SUGCT: variants seen among roughly 807,000 people sequenced by gnomAD.
SUGCT encodes succinyl-CoA:glutarate CoA-transferase.
A neutral mutation model predicts 55.0 loss-of-function variants in SUGCT; 41 were observed. That is an observed-to-expected ratio of 0.74 (90% CI 0.58 to 0.97). The LOEUF is 0.97. Ranked by LOEUF, SUGCT falls within the 50% of genes least tolerant of loss-of-function variation. The pLI is 0.00. For missense variants in SUGCT, 568 were observed against 547.8 expected (o/e 1.04, Z -0.37); for synonymous variants, 187 against 200.4 (o/e 0.93, Z 0.56).
chr7:40,822,526 C>G (rs945734028), intron 13 of SUGCT, among the ~76,000 whole-genome samples: 1 of 152,138 alleles, frequency 6.6e-6, no homozygotes, highest in African/African-American at 2.4e-5. Context: ...TAATGGCCTT[C>G]TTTGTCCCTT....
At chr7:40,350,399 T>G (rs1461905242) in intron 9 of SUGCT, among the ~76,000 whole-genome samples, 1 of 151,534 alleles carries the variant, frequency 6.6e-6, no homozygotes, top group Non-Finnish European at 1.5e-5. Context: ...CTGCAGCCTC[T>G]GCCTCCCAGG....
At chr7:40,747,079 C>G (rs905539540) in intron 12 of SUGCT, among the ~76,000 whole-genome samples, 1 of 152,112 alleles carries the variant, frequency 6.6e-6, no homozygotes, top group Non-Finnish European at 1.5e-5. Context: ...GTGCTGAGAA[C>G]GAGCCACACC....
chr7:40,462,951 C>T (rs955428582), intron 11 of SUGCT, among the ~76,000 whole-genome samples: 8 of 152,094 alleles, frequency 5.3e-5, no homozygotes, highest in Admixed American at 1.3e-4. Flanking sequence ...GTACCTGTTA[C>T]TCATTTATTG....
chr7:40,721,841 C>A (rs761066388), intron 12 of SUGCT, among the ~76,000 whole-genome samples: 1 of 152,156 alleles, frequency 6.6e-6, no homozygotes, highest in Non-Finnish European at 1.5e-5. Flanking sequence ...GGGATGGTAG[C>A]TTTGAAACTT....
intron 7 of SUGCT, among the ~76,000 whole-genome samples, chr7:40,241,048 G>T (rs1310154474): frequency 6.6e-6 from 1 of 152,152 alleles, no homozygotes; most frequent in Non-Finnish European, 1.5e-5. Context: ...GGGAGGTAAG[G>T]AACAGTGGCT....
chr7:40,360,348 A>G (rs1033956093), intron 9 of SUGCT, among the ~76,000 whole-genome samples: 2 of 152,064 alleles, frequency 1.3e-5, no homozygotes, highest in East Asian at 1.9e-4. Context: ...TTTTTCTTCT[A>G]TTCTACCTTT....
chr7:40,333,145 T>C (rs963476661), intron 9 of SUGCT, among the ~76,000 whole-genome samples: 1 of 152,142 alleles, frequency 6.6e-6, no homozygotes, highest in African/African-American at 2.4e-5. Flanking sequence ...TAGAAACTAA[T>C]GGAAACTACT....
At chr7:40,786,701 C>T (rs1024775419) in intron 13 of SUGCT, among the ~76,000 whole-genome samples, 3 of 146,786 alleles carry the variant, frequency 2.0e-5, no homozygotes, top group Non-Finnish European at 4.5e-5. Flanking sequence ...ATTCAAAATA[C>T]CTTAACAATA....
intron 9 of SUGCT, among the ~76,000 whole-genome samples, chr7:40,407,811 C>T (rs1454502806): frequency 6.6e-6 from 1 of 152,098 alleles, no homozygotes; most frequent in Non-Finnish European, 1.5e-5. Context: ...ACTATCTTAG[C>T]TTAAAACAGG....
intron 12 of SUGCT, among the ~76,000 whole-genome samples, chr7:40,586,582 T>C (rs909721368): frequency 2.0e-5 from 3 of 151,730 alleles, no homozygotes; most frequent in South Asian, 2.1e-4. Context: ...TCTGAGGTGA[T>C]TGACAGTGTT....
the SUGCT span, among the ~76,000 whole-genome samples, chr7:40,867,280 C>G: frequency 6.7e-6 from 1 of 150,000 alleles, no homozygotes; most frequent in Non-Finnish European, 1.5e-5. Flanking sequence ...CTTATAAGAA[C>G]ATCTCATAAG....
intron 12 of SUGCT, among the ~76,000 whole-genome samples, chr7:40,507,252 C>G (rs947277304): frequency 6.6e-6 from 1 of 152,134 alleles, no homozygotes; most frequent in African/African-American, 2.4e-5. Flanking sequence ...AAATGTTCCT[C>G]GCCACCCACC....
At chr7:40,174,006 T>A (rs1784806211) in intron 1 of SUGCT, among the ~76,000 whole-genome samples, 1 of 151,008 alleles carries the variant, frequency 6.6e-6, no homozygotes, top group Non-Finnish European at 1.5e-5. Context: ...AGTGGTGTGA[T>A]CATGGCTCAC....
chr7:40,513,364 G>T (rs1282450422), intron 12 of SUGCT, among the ~76,000 whole-genome samples: 4 of 152,244 alleles, frequency 2.6e-5, no homozygotes, highest in African/African-American at 9.6e-5. Flanking sequence ...TTAGTATATG[G>T]ATATGTGTGG....
At chr7:40,603,262 G>A (rs1303826447) in intron 12 of SUGCT, among the ~76,000 whole-genome samples, 5 of 152,298 alleles carry the variant, frequency 3.3e-5, no homozygotes, top group Middle Eastern at 3.4e-3. Flanking sequence ...AAAGGGTTTA[G>A]ATACATAGGA....
At chr7:40,587,465 A>G (rs1323903994) in intron 12 of SUGCT, among the ~76,000 whole-genome samples, 1 of 152,244 alleles carries the variant, frequency 6.6e-6, no homozygotes, top group Non-Finnish European at 1.5e-5. Context: ...ATAAATATAT[A>G]CAACACATAT....
At chr7:40,463,463 TGTC>T (rs1040204226) in intron 11 of SUGCT, among the ~76,000 whole-genome samples, 3 of 152,210 alleles carry the variant, frequency 2.0e-5, no homozygotes, top group African/African-American at 7.2e-5. Context: ...CTCCCCTCCC[TGTC>T]CCTTGTAAGC....
intron 12 of SUGCT, among the ~76,000 whole-genome samples, chr7:40,649,203 G>A (rs1267732515): frequency 6.6e-6 from 1 of 151,692 alleles, no homozygotes; most frequent in Non-Finnish European, 1.5e-5. Context: ...TTTTTCCTAT[G>A]TTTTTTAATT....
At position 40,459,185 on chromosome 7, in the gene SUGCT, ATAT is replaced by A. The variant is rs779927889; in HGVS notation, c.977_979del (p.Leu326del). On this transcript the variant is annotated inframe_deletion, in exon 11 of 14. Coordinates refer to ENST00000335693, the MANE Select transcript of SUGCT (RefSeq NM_001193313.2). The stretch of plus-strand genomic sequence containing the variant: ...ACACAATAGAAAAGAGCTTATTAAA[ATAT>A]TATCTGAACGGTAAGTTTGGATGTT... 15 of 1,597,538 alleles carry A rather than the reference ATAT, an allele frequency of 9.4e-6. 1 individual carries two copies. The highest frequency in any genetic ancestry group is 5.0e-5 in the Admixed American group (3 of 59,882).
Sources: gnomAD v4.1 joint callset for allele counts (sites outside exome capture counted in the v4.1 genomes callset) on GRCh38, gnomAD v4.1.1 for gene constraint, MANE v1.5 for transcripts, NCBI Gene and HGNC (gene_info 2026-07-23, HGNC 2026-07-21) for gene names.